Variants in BTBD10 observed in about 807,000 individuals in gnomAD.
BTBD10 encodes BTB/POZ domain-containing protein 10.
In BTBD10, 21 loss-of-function variants were observed where a neutral mutation model predicts 53.2. The ratio of observed to expected loss-of-function variants is 0.39; its 90% CI spans 0.28 to 0.57. The LOEUF is 0.57. Among genes scored for constraint, BTBD10 ranks in the 20% least tolerant of loss-of-function variants. The probability of loss-of-function intolerance (pLI) is 0.53; values close to 1 mark genes in which losing one functional copy is unlikely to be tolerated. For synonymous variants in BTBD10, 149 were observed against 192.7 expected, an observed-to-expected ratio of 0.77 and a Z score of 1.88; for missense variants, 360 against 594.7, an observed-to-expected ratio of 0.61 and a Z score of 4.10.
At chr11:13,414,844 G>GAAAAAAAAAAAA (rs71041526) in intron 5 of BTBD10, among the ~76,000 whole-genome samples, 1 of 85,106 alleles carries the variant, frequency 1.2e-5, no homozygotes, top group African/African-American at 4.7e-5. Context: ...CATCTCAAAC[G>GAAAAAAAAAAAA]AAAAAAAAAA....
At chr11:13,406,862 T>C (rs1949844857) in intron 6 of BTBD10, among the ~76,000 whole-genome samples, 1 of 151,820 alleles carries the variant, frequency 6.6e-6, no homozygotes, top group African/African-American at 2.4e-5. Context: ...CATGTCTCTC[T>C]CCAGGCTGGC....
intron 1 of BTBD10, among the ~76,000 whole-genome samples, chr11:13,455,615 A>G (rs944362895): frequency 5.9e-5 from 9 of 152,174 alleles, no homozygotes; most frequent in Admixed American, 5.2e-4. Context: ...TTAATTTTCT[A>G]CTATGACCAA....
At chr11:13,460,099 A>T (rs1951062955) in intron 1 of BTBD10, among the ~76,000 whole-genome samples, 1 of 152,222 alleles carries the variant, frequency 6.6e-6, no homozygotes. Flanking sequence ...AGAGAGGCAG[A>T]GATTGAATGA....
intron 4 of BTBD10, 91 bp from the exon 5 acceptor site, chr11:13,417,351 T>C: frequency 1.2e-6 from 1 of 866,022 alleles, no homozygotes; most frequent in Non-Finnish European, 1.7e-6. Flanking sequence ...AAAGGAATTA[T>C]ATCATTAAAT....
At chr11:13,451,101 G>C (rs1450853042) in intron 1 of BTBD10, among the ~76,000 whole-genome samples, 1 of 152,152 alleles carries the variant, frequency 6.6e-6, no homozygotes, top group East Asian at 1.9e-4. Context: ...AAAGAAAAGT[G>C]CAGGCCCAAA....
intron 8 of BTBD10, among the ~76,000 whole-genome samples, chr11:13,389,977 C>A (rs1005921555): frequency 6.6e-6 from 1 of 152,086 alleles, no homozygotes; most frequent in Non-Finnish European, 1.5e-5. Flanking sequence ...AACAACCAAG[C>A]ATTCAATTTA....
chr11:13,416,743 G>A (rs1265531394), intron 5 of BTBD10, among the ~76,000 whole-genome samples: 2 of 152,046 alleles, frequency 1.3e-5, no homozygotes, highest in Admixed American at 6.5e-5. Context: ...TTGGGAGGCC[G>A]AGGCAGGAGG....
intron 1 of BTBD10, among the ~76,000 whole-genome samples, chr11:13,453,836 G>A (rs767726681): frequency 6.6e-6 from 1 of 152,042 alleles, no homozygotes; most frequent in Non-Finnish European, 1.5e-5. Context: ...GGTGGATCAC[G>A]AGGTCAGAAG....
chr11:13,403,417 C>A (rs752061785), intron 7 of BTBD10, 139 bp from the exon 8 acceptor site: 3 of 483,682 alleles, frequency 6.2e-6, no homozygotes, highest in Non-Finnish European at 1.1e-5. Context: ...GGATGACTAG[C>A]CAACATGACA....
chr11:13,447,975 G>A (rs570854308), intron 1 of BTBD10, among the ~76,000 whole-genome samples: 2 of 152,252 alleles, frequency 1.3e-5, no homozygotes, highest in East Asian at 1.9e-4. Context: ...AGTTATAACT[G>A]TAAATGGTTG....
At chr11:13,429,406 G>C (rs1270156509) in intron 2 of BTBD10, among the ~76,000 whole-genome samples, 1 of 152,164 alleles carries the variant, frequency 6.6e-6, no homozygotes, top group East Asian at 1.9e-4. Context: ...AAAAACTGTA[G>C]TAATGAGTAA....
chr11:13,404,625 T>C (rs1235727817), intron 7 of BTBD10: 6 of 984,300 alleles, frequency 6.1e-6, no homozygotes, highest in African/African-American at 1.7e-5. Flanking sequence ...CCACATATTA[T>C]AGAAAACCAT....
intron 2 of BTBD10, among the ~76,000 whole-genome samples, chr11:13,427,127 G>A (rs1039125758): frequency 2.6e-5 from 4 of 152,090 alleles, no homozygotes; most frequent in Admixed American, 2.0e-4. Flanking sequence ...TGAGGTGGGA[G>A]GATCACTTGA....
intron 5 of BTBD10, among the ~76,000 whole-genome samples, chr11:13,415,694 T>C (rs989692146): frequency 4.6e-5 from 7 of 152,164 alleles, no homozygotes; most frequent in African/African-American, 1.7e-4. Context: ...GTAAATTATC[T>C]AAATATTTTC....
At chr11:13,404,220 T>C (rs987457257) in intron 7 of BTBD10, among the ~76,000 whole-genome samples, 1 of 152,178 alleles carries the variant, frequency 6.6e-6, no homozygotes, top group African/African-American at 2.4e-5. Flanking sequence ...AAGTCACATA[T>C]AGAAAAATCA....
intron 2 of BTBD10, among the ~76,000 whole-genome samples, chr11:13,422,418 C>T (rs559349428): frequency 2.0e-5 from 3 of 152,172 alleles, no homozygotes; most frequent in East Asian, 3.9e-4. Context: ...GAGGCCAATG[C>T]GGGTGAATCG....
intron 5 of BTBD10, among the ~76,000 whole-genome samples, chr11:13,416,066 C>T (rs185182548): frequency 2.3e-3 from 353 of 151,410 alleles, no homozygotes; most frequent in African/African-American, 7.4e-3. Flanking sequence ...AAAACAAAGA[C>T]GTCAGCTGGG....
chr11:13,427,341 A>G (rs1042386427), intron 2 of BTBD10, among the ~76,000 whole-genome samples: 1 of 152,236 alleles, frequency 6.6e-6, no homozygotes, highest in Non-Finnish European at 1.5e-5. Flanking sequence ...AAGAGTGGCT[A>G]TATTAATATC....
Position 13,445,176 on chromosome 11 carries a change from C to A in BTBD10, c.-52G>T. 1 of 1,268,094 alleles carries A rather than the reference C, an allele frequency of 7.9e-7. No homozygotes were observed. Among genetic ancestry groups the A allele is most frequent in the Non-Finnish European group, 1.2e-6 (1 of 868,624 alleles). 78.6% of individuals were successfully genotyped at this position (1,268,094 alleles called of 1,614,324 possible). The stretch of plus-strand genomic sequence containing the variant: ...GCTCTGAAAGCACACATGTAGCACC[C>A]ATAACCTACATAAAAGAGCAGTGTT... On this transcript the variant is annotated 5_prime_UTR_variant, in exon 2 of 9. The change abolishes an upstream ATG in the 5' untranslated region. Coordinates refer to ENST00000278174, the MANE Select transcript of BTBD10 (RefSeq NM_032320.7).
Sources: allele counts gnomAD v4.1 joint callset (sites outside exome capture counted in the v4.1 genomes callset), GRCh38; gene constraint gnomAD v4.1.1; transcripts MANE v1.5; gene names NCBI Gene and HGNC (gene_info 2026-07-23, HGNC 2026-07-21).